ACER3: variants seen among roughly 807,000 people sequenced by gnomAD.
The protein encoded by ACER3 is alkaline ceramidase 3.
Under a neutral mutation model 48.9 loss-of-function variants are expected in ACER3, and 16 were observed. The ratio of observed to expected loss-of-function variants is 0.33; its 90% CI spans 0.22 to 0.50. The LOEUF (loss-of-function observed/expected upper bound fraction) is 0.50, where lower values mean the gene tolerates loss of function less well. Among genes scored for constraint, ACER3 ranks in the 20% least tolerant of loss-of-function variants. The probability of loss-of-function intolerance (pLI) is 0.98; values close to 1 mark genes in which losing one functional copy is unlikely to be tolerated. For missense variants in ACER3, 227 were observed against 326.0 expected, an observed-to-expected ratio of 0.70 and a Z score of 2.34; for synonymous variants, 109 against 107.8, an observed-to-expected ratio of 1.01 and a Z score of -0.07.
rs1949534028 is a variant in ACER3 at position 77,025,355 on chromosome 11, G to A, written c.*5028G>A. On this transcript the variant is annotated 3_prime_UTR_variant, in exon 11 of 11. Transcript: ENST00000532485. The stretch of plus-strand genomic sequence containing the variant: ...AAATTCAGGCTGCGTTGTATGGCCT[G>A]CAAGGTAAGAATGGTTATTTTATTT... 1.4e-5 allele frequency: 2 copies of A among 147,620 alleles called. No individual in the cohort carries two copies. The highest frequency in any genetic ancestry group is 2.6e-5 in the African/African-American group (1 of 38,832). 9.1% of individuals were successfully genotyped at this position (147,620 alleles called of 1,614,324 possible).
chr11:76,941,049 A>G (rs937198210), intron 2 of ACER3, among the ~76,000 whole-genome samples: 16 of 151,834 alleles, frequency 1.1e-4, no homozygotes, highest in Non-Finnish European at 1.8e-4. Flanking sequence ...ACGCACACAC[A>G]CACGCACACA....
chr11:76,925,021 A>T (rs546660615), intron 1 of ACER3, among the ~76,000 whole-genome samples: 1 of 151,442 alleles, frequency 6.6e-6, no homozygotes, highest in Non-Finnish European at 1.5e-5. Context: ...CAGCAAATAC[A>T]TAGGGTTAAT....
chr11:76,904,455 T>C (rs1341901941), intron 1 of ACER3, among the ~76,000 whole-genome samples: 1 of 152,158 alleles, frequency 6.6e-6, no homozygotes, highest in African/African-American at 2.4e-5. Flanking sequence ...CCTTCTGGAC[T>C]GAACCAATGT....
Position 76,985,554 on chromosome 11 carries a change from G to A in ACER3, c.321-89G>A, listed in dbSNP as rs182179760. ...GAAATGATGGATATCACTTATCATC[G>A]AGAGATATAGGCAAGTGGTAAAGCA... On this transcript the variant is annotated intron_variant, in intron 4 of 10. Transcript: ENST00000532485. 1,627 of 762,152 alleles carry A rather than the reference G, an allele frequency of 2.1e-3. 21 individuals carry two copies. The highest frequency in any genetic ancestry group is 8.9e-4 in the Non-Finnish European group (439 of 493,014). The allele number at this position is 762,152 out of a possible 1,614,324, so 47.2% of individuals were successfully genotyped here.
intron 1 of ACER3, among the ~76,000 whole-genome samples, chr11:76,910,434 G>A (rs1264892940): frequency 6.6e-6 from 1 of 152,010 alleles, no homozygotes; most frequent in Non-Finnish European, 1.5e-5. Flanking sequence ...CACCCTATCA[G>A]AATAAAGGTG....
intron 1 of ACER3, among the ~76,000 whole-genome samples, chr11:76,890,825 C>G (rs1945784955): frequency 6.6e-6 from 1 of 152,072 alleles, no homozygotes; most frequent in South Asian, 2.1e-4. Context: ...GATAAATGAT[C>G]TATTATAGTA....
chr11:76,997,456 G>A (rs762747675), intron 6 of ACER3, among the ~76,000 whole-genome samples: 1 of 152,122 alleles, frequency 6.6e-6, no homozygotes. Context: ...TATAGCTATG[G>A]TTATGGATTT....
At chr11:76,999,375 G>GT (rs1183281905) in intron 7 of ACER3, among the ~76,000 whole-genome samples, 3 of 75,344 alleles carry the variant, frequency 4.0e-5, no homozygotes, top group Admixed American at 1.0e-4. Flanking sequence ...TGATTTGTGG[G>GT]TTTGTTTTTT....
chr11:76,941,055 A>G (rs1233320700), intron 2 of ACER3, among the ~76,000 whole-genome samples: 1 of 151,824 alleles, frequency 6.6e-6, no homozygotes, highest in Non-Finnish European at 1.5e-5. Flanking sequence ...ACACACACGC[A>G]CACAGAAAGC....
rs1947629989 is a variant in ACER3, at chr11:76,950,410, TAA to T, written c.215-8568_215-8567del. 1.3e-3 allele frequency among the ~76,000 whole-genome samples: 27 copies of T among 20,782 alleles called. 4 individuals are homozygous for T. Among genetic ancestry groups the T allele is most frequent in the Non-Finnish European group, 4.1e-3 (22 of 5,388 alleles). 13.6% of individuals were successfully genotyped at this position (20,782 alleles called of 152,430 possible). A position where few individuals can be genotyped will look rare whatever the true frequency, so the allele number is the denominator to read the frequency against. ...ATATATATATATATATATATATATA[TAA>T]TTTACACATGTAAGTGTGTGTATGT... On this transcript the variant is annotated intron_variant, in intron 2 of 10. Transcript: ENST00000532485.
At chr11:76,871,000 C>T (rs757354515) in intron 1 of ACER3, among the ~76,000 whole-genome samples, 18 of 152,124 alleles carry the variant, frequency 1.2e-4, no homozygotes, top group Non-Finnish European at 2.1e-4. Context: ...ATCCTTACAA[C>T]GACTCTTAAC....
chr11:76,913,900 C>G (rs1332139846), intron 1 of ACER3, among the ~76,000 whole-genome samples: 2 of 152,168 alleles, frequency 1.3e-5, no homozygotes, highest in South Asian at 2.1e-4. Context: ...TACCACACAT[C>G]TACAACCATC....
Position 76,952,155 on chromosome 11 carries a change from C to T in ACER3, c.215-6824C>T, listed in dbSNP as rs535469433. 6.9e-4 allele frequency among the ~76,000 whole-genome samples: 105 copies of T among 151,838 alleles called. 3 individuals carry two copies. The highest frequency in any genetic ancestry group is 6.8e-3 in the Middle Eastern group (2 of 292). ...ATATATATATACACACACACACACACACACACACACACATATAAATATGAA... is the reference window on the plus strand; with the variant it reads ...ATATATATATACACACACACACACATACACACACACACATATAAATATGAA... On this transcript the variant is annotated intron_variant, in intron 2 of 10. Transcript: ENST00000532485.
At chr11:76,926,690 A>C (rs1946839575) in intron 2 of ACER3, 23 bp downstream of exon 2, 1 of 1,418,108 alleles carries the variant, frequency 7.1e-7, no homozygotes. Flanking sequence ...CTGTATCTGA[A>C]GAAATGTACA....
intron 6 of ACER3, among the ~76,000 whole-genome samples, chr11:76,991,119 C>T (rs1948792497): frequency 6.6e-6 from 1 of 152,116 alleles, no homozygotes; most frequent in Non-Finnish European, 1.5e-5. Flanking sequence ...ACTACACAGA[C>T]TTCTAATCTC....
chr11:76,950,337 G>A (rs1947612012), intron 2 of ACER3, among the ~76,000 whole-genome samples: 1 of 103,742 alleles, frequency 9.6e-6, no homozygotes, highest in Non-Finnish European at 1.9e-5. Context: ...GTTTTAAACA[G>A]GAGAGTGACA....
chr11:76,893,807 C>T (rs1026963322), intron 1 of ACER3, among the ~76,000 whole-genome samples: 3 of 152,180 alleles, frequency 2.0e-5, no homozygotes, highest in African/African-American at 7.2e-5. Context: ...TAAATTCAAA[C>T]TACCTTTTTT....
At chr11:77,017,790 G>A (rs1265477609) in intron 9 of ACER3, among the ~76,000 whole-genome samples, 3 of 152,068 alleles carry the variant, frequency 2.0e-5, no homozygotes, top group African/African-American at 7.2e-5. Context: ...GAAAGTTTGT[G>A]GCAGTCCTGC....
chr11:76,880,525 AGTC>A (rs1945496208), intron 1 of ACER3, among the ~76,000 whole-genome samples: 2 of 152,350 alleles, frequency 1.3e-5, no homozygotes, highest in South Asian at 4.1e-4. Context: ...TTCCCATGCC[AGTC>A]GGAAGCCCCA....
Sources: allele counts gnomAD v4.1 joint callset (sites outside exome capture counted in the v4.1 genomes callset), GRCh38; gene constraint gnomAD v4.1.1; transcripts MANE v1.5; gene names NCBI Gene and HGNC (gene_info 2026-07-23, HGNC 2026-07-21).